Variants in ARSG observed in about 807,000 individuals in gnomAD.
ARSG encodes the protein arylsulfatase G.
ARSG carries 37 observed loss-of-function variants against 50.5 expected under a neutral mutation model. The observed-to-expected ratio is 0.73, with a 90% confidence interval of 0.56 to 0.96. The LOEUF is 0.96. ARSG is among the 50% of genes least tolerant of loss of function. The pLI is 0.00. For missense variants in ARSG, 629 were observed against 675.3 expected, an observed-to-expected ratio of 0.93 and a Z score of 0.76; for synonymous variants, 225 against 254.6, an observed-to-expected ratio of 0.88 and a Z score of 1.11.
intron 1 of ARSG, among the ~76,000 whole-genome samples, chr17:68,261,515 G>C (rs782309508): frequency 2.0e-5 from 3 of 152,126 alleles, no homozygotes; most frequent in Non-Finnish European, 2.9e-5. Context: ...ACGTAGCTGG[G>C]AGTACAGGCA....
chr17:68,311,968 T>G (rs1298215428), intron 2 of ARSG, among the ~76,000 whole-genome samples: 1 of 151,998 alleles, frequency 6.6e-6, no homozygotes, highest in African/African-American at 2.4e-5. Context: ...GCCTGGCTAA[T>G]TTTTGTATTT....
chr17:68,307,718 C>T lies in ARSG; in HGVS notation c.218+7C>T. On this transcript the variant is annotated splice_region_variant and intron_variant, in intron 2 of 11. Coordinates refer to ENST00000621439, the MANE Select transcript of ARSG (RefSeq NM_001267727.2). ...TGGCTTCGGAGGGAATGAGGTGAGT[C>T]TTGAGATGCCAGGCCAGCCTTTCTT... 6.9e-7 allele frequency: 1 copy of T among 1,450,436 alleles called. No homozygotes were observed. Among genetic ancestry groups the T allele is most frequent in the Non-Finnish European group, 9.7e-7 (1 of 1,032,232 alleles). The allele number at this position is 1,450,436 out of a possible 1,614,324, so 89.8% of individuals were successfully genotyped here. A position where few individuals can be genotyped will look rare whatever the true frequency, so the allele number is the denominator to read the frequency against.
chr17:68,343,846 G>A (rs1372803630), intron 3 of ARSG, 55 bp downstream of exon 3: 11 of 1,527,968 alleles, frequency 7.2e-6, no homozygotes, highest in Non-Finnish European at 8.9e-6. Flanking sequence ...GCCGCCTTGT[G>A]TTTGCAAATT....
chr17:68,302,231 A>G (rs868931781), intron 1 of ARSG, among the ~76,000 whole-genome samples: 1 of 152,160 alleles, frequency 6.6e-6, no homozygotes, highest in Non-Finnish European at 1.5e-5. Context: ...GCCAGCCAGC[A>G]CACAGACCAT....
intron 2 of ARSG, among the ~76,000 whole-genome samples, chr17:68,342,646 C>T (rs529791642): frequency 1.1e-4 from 17 of 152,296 alleles, no homozygotes; most frequent in Admixed American, 8.5e-4. Flanking sequence ...AGGCGTGAGC[C>T]ACCGCACCTG....
chr17:68,307,773 G>T, intron 2 of ARSG, 62 bp downstream of exon 2: 2 of 912,124 alleles, frequency 2.2e-6, no homozygotes, highest in Admixed American at 4.0e-5. Context: ...CTTGAGAGGG[G>T]AAGGGGCCGT....
chr17:68,317,517 A>G (rs1309870528), intron 2 of ARSG, among the ~76,000 whole-genome samples: 1 of 151,628 alleles, frequency 6.6e-6, no homozygotes, highest in African/African-American at 2.4e-5. Context: ...ATCAGCAAAC[A>G]TCTCTTTATC....
chr17:68,296,236 A>T (rs1555758152), intron 1 of ARSG, among the ~76,000 whole-genome samples: 1 of 152,110 alleles, frequency 6.6e-6, no homozygotes, highest in East Asian at 1.9e-4. Flanking sequence ...TTTTGCCCCG[A>T]TCGAGTCACG....
chr17:68,415,582 T>C (rs2082313999), intron 11 of ARSG, among the ~76,000 whole-genome samples: 1 of 152,214 alleles, frequency 6.6e-6, no homozygotes, highest in Admixed American at 6.5e-5. Flanking sequence ...TTGTTGACTT[T>C]CTTTCTTGAT....
the ARSG span, chr17:68,435,611 T>C: frequency 6.2e-7 from 1 of 1,613,448 alleles, no homozygotes; most frequent in Non-Finnish European, 8.5e-7. Flanking sequence ...TTGGTGGGAG[T>C]GGACTCACTT....
At chr17:68,434,711 G>T in the ARSG span, 2 of 1,380,892 alleles carry the variant, frequency 1.4e-6, no homozygotes, top group Non-Finnish European at 1.0e-6. Flanking sequence ...TGTTTTATTG[G>T]TTTTGAACAT....
At chr17:68,426,234 C>CGGGGGGG, downstream of ARSG, 1 of 705,804 alleles carries the variant, frequency 1.4e-6, no homozygotes, top group Non-Finnish European at 2.0e-6. Flanking sequence ...ATGCCATGAC[C>CGGGGGGG]TGGCGGGTGG....
intron 3 of ARSG, 150 bp downstream of exon 3, chr17:68,343,941 C>A: frequency 1.2e-6 from 1 of 803,838 alleles, no homozygotes; most frequent in Non-Finnish European, 1.9e-6. Flanking sequence ...CTGAAAAGAC[C>A]TAACAGTGAA....
At chr17:68,320,084 C>T (rs1446234759) in intron 2 of ARSG, among the ~76,000 whole-genome samples, 2 of 151,918 alleles carry the variant, frequency 1.3e-5, no homozygotes, top group Admixed American at 1.3e-4. Flanking sequence ...CCCAGGAGTT[C>T]GAGACCAGCC....
intron 9 of ARSG, among the ~76,000 whole-genome samples, chr17:68,387,213 T>C (rs1703971728): frequency 6.6e-6 from 1 of 151,966 alleles, no homozygotes; most frequent in South Asian, 2.1e-4. Flanking sequence ...ACTGCAGCCT[T>C]GAACTCCTGG....
At chr17:68,285,973 C>T (rs1470862562) in intron 1 of ARSG, among the ~76,000 whole-genome samples, 1 of 152,104 alleles carries the variant, frequency 6.6e-6, no homozygotes, top group Middle Eastern at 3.2e-3. Flanking sequence ...GTTGGCCAGG[C>T]CGGTCTGGAA....
chr17:68,287,579 A>G (rs1599567200), upstream of ARSG, among the ~76,000 whole-genome samples: 1 of 152,272 alleles, frequency 6.6e-6, no homozygotes, highest in Non-Finnish European at 1.5e-5. Context: ...AGAGCCACAT[A>G]TAACTTTCAC....
intron 2 of ARSG, among the ~76,000 whole-genome samples, chr17:68,337,846 A>G (rs1599776651): frequency 6.6e-6 from 1 of 151,946 alleles, no homozygotes; most frequent in Non-Finnish European, 1.5e-5. Context: ...CGAACTCCCA[A>G]CCTCAGGTGA....
At chr17:68,364,538 T>C (rs1158648846) in intron 6 of ARSG, among the ~76,000 whole-genome samples, 2 of 152,080 alleles carry the variant, frequency 1.3e-5, no homozygotes, top group Non-Finnish European at 2.9e-5. Context: ...TTTTGTATTT[T>C]TAGTAGAGAC....
Sources: allele counts gnomAD v4.1 joint callset (sites outside exome capture counted in the v4.1 genomes callset), GRCh38; gene constraint gnomAD v4.1.1; transcripts MANE v1.5; gene names NCBI Gene and HGNC (gene_info 2026-07-23, HGNC 2026-07-21).